ACTR2: variants seen among roughly 807,000 people sequenced by gnomAD.
ACTR2 encodes actin related protein 2.
ACTR2 carries 5 observed loss-of-function variants against 50.2 expected under a neutral mutation model. That is an observed-to-expected ratio of 0.10 (90% CI 0.05 to 0.21). The LOEUF (loss-of-function observed/expected upper bound fraction) is 0.21, where lower values mean the gene tolerates loss of function less well. Among genes scored for constraint, ACTR2 ranks in the 10% least tolerant of loss-of-function variants. The probability of loss-of-function intolerance (pLI) is 1.00; values close to 1 mark genes in which losing one functional copy is unlikely to be tolerated. For synonymous variants in ACTR2, 140 were observed against 162.9 expected, an observed-to-expected ratio of 0.86 and a Z score of 1.07; for missense variants, 180 against 480.6, an observed-to-expected ratio of 0.37 and a Z score of 5.85.
At chr2:65,236,295 C>T (rs1236663310) in intron 1 of ACTR2, among the ~76,000 whole-genome samples, 1 of 149,486 alleles carries the variant, frequency 6.7e-6, no homozygotes, top group Non-Finnish European at 1.5e-5. Context: ...GCGATGACGT[C>T]ACTGCACTCC....
chr2:65,236,932 A>G (rs921909667), intron 1 of ACTR2, among the ~76,000 whole-genome samples: 1 of 152,102 alleles, frequency 6.6e-6, no homozygotes, highest in Non-Finnish European at 1.5e-5. Context: ...TTCATCCTTA[A>G]TTCTAAGAAT....
At chr2:65,236,083 G>A (rs754099729) in intron 1 of ACTR2, among the ~76,000 whole-genome samples, 108 of 152,028 alleles carry the variant, frequency 7.1e-4, no homozygotes, top group Non-Finnish European at 1.3e-3. Context: ...GGCCGGGTGC[G>A]GTGGCTTATG....
chr2:65,263,262 T>G (rs1672309002), intron 7 of ACTR2, among the ~76,000 whole-genome samples: 1 of 112,140 alleles, frequency 8.9e-6, no homozygotes, highest in Non-Finnish European at 2.0e-5. Context: ...TTTGGAGTTT[T>G]GGGTTTTTTT....
At chr2:65,244,146 T>C (rs895867447) in intron 2 of ACTR2, among the ~76,000 whole-genome samples, 4 of 152,162 alleles carry the variant, frequency 2.6e-5, no homozygotes, top group Non-Finnish European at 4.4e-5. Context: ...AGTAGATACA[T>C]GAGGCATTTA....
chr2:65,242,167 C>T, intron 2 of ACTR2: 1 of 792,868 alleles, frequency 1.3e-6, no homozygotes, highest in Non-Finnish European at 2.1e-6. Flanking sequence ...GGGGTTATTT[C>T]CATATTTTTA....
intron 6 of ACTR2, among the ~76,000 whole-genome samples, chr2:65,257,893 G>T (rs1672182096): frequency 2.0e-5 from 3 of 152,156 alleles, no homozygotes; most frequent in Admixed American, 2.0e-4. Context: ...TCTGTAGGTT[G>T]CCTGTTCACT....
chr2:65,242,185 T>C (rs1304896728), intron 2 of ACTR2: 2 of 709,760 alleles, frequency 2.8e-6, no homozygotes, highest in Non-Finnish European at 5.0e-6. Flanking sequence ...TTATTTTAAG[T>C]ACTTTGATTT....
At chr2:65,247,518 G>T (rs183664089) in intron 3 of ACTR2, among the ~76,000 whole-genome samples, 3 of 152,164 alleles carry the variant, frequency 2.0e-5, no homozygotes, top group African/African-American at 4.8e-5. Flanking sequence ...AACCCTTGAG[G>T]CAGAGCTTGC....
chr2:65,258,726 G>A (rs1162274676), intron 6 of ACTR2, among the ~76,000 whole-genome samples: 3 of 152,150 alleles, frequency 2.0e-5, no homozygotes, highest in African/African-American at 7.2e-5. Flanking sequence ...AAGATTTGGT[G>A]CAAAGAAATG....
intron 3 of ACTR2, among the ~76,000 whole-genome samples, chr2:65,250,375 A>T (rs1028094082): frequency 2.0e-5 from 3 of 149,532 alleles, no homozygotes; most frequent in African/African-American, 7.4e-5. Flanking sequence ...AAAAAAGAAA[A>T]AAAAAAGATA....
At chr2:65,242,114 G>A (rs1423813754) in intron 2 of ACTR2, 4 of 1,369,312 alleles carry the variant, frequency 2.9e-6, no homozygotes, top group East Asian at 4.6e-5. Flanking sequence ...TTGCTTGATG[G>A]GACAGTAGTT....
intron 1 of ACTR2, among the ~76,000 whole-genome samples, chr2:65,235,863 G>A (rs1192346118): frequency 4.6e-5 from 7 of 152,132 alleles, no homozygotes; most frequent in Admixed American, 4.6e-4. Flanking sequence ...ACTAAGACTA[G>A]GTTTGTGGGC....
At chr2:65,263,664 C>T (rs1300983670) in intron 7 of ACTR2, among the ~76,000 whole-genome samples, 2 of 152,212 alleles carry the variant, frequency 1.3e-5, no homozygotes, top group Non-Finnish European at 2.9e-5. Flanking sequence ...ATCTAGCCTT[C>T]ATAATTATGG....
In ACTR2 at chr2:65,227,885, G is replaced by A. The variant is rs766889009; in HGVS notation, c.-25G>A. 3 of 1,504,410 alleles carry A rather than the reference G, an allele frequency of 2.0e-6. 1 individual carries two copies. The South Asian group carries it at 3.7e-5, about 19-fold the overall frequency. 93.2% of individuals were successfully genotyped at this position (1,504,410 alleles called of 1,614,324 possible). ...GGCGGTGGCTGTAGGTTGTGCGGCT[G>A]CAGCGGCTCTTCCCTGGGCGGACGA... On this transcript the variant is annotated 5_prime_UTR_variant, in exon 1 of 9. Transcript: ENST00000260641.
At chr2:65,258,457 A>C (rs1276398966) in intron 6 of ACTR2, among the ~76,000 whole-genome samples, 7 of 152,106 alleles carry the variant, frequency 4.6e-5, no homozygotes, top group African/African-American at 1.7e-4. Context: ...ACGTGCCTGT[A>C]GTCCTAGCTA....
intron 2 of ACTR2, among the ~76,000 whole-genome samples, chr2:65,244,033 T>C (rs921005259): frequency 2.6e-5 from 4 of 152,168 alleles, no homozygotes; most frequent in African/African-American, 9.7e-5. Flanking sequence ...CTTAAATAAG[T>C]TAATACTCCA....
At chr2:65,232,025 G>C (rs192441955) in intron 1 of ACTR2, among the ~76,000 whole-genome samples, 1 of 152,344 alleles carries the variant, frequency 6.6e-6, no homozygotes, top group East Asian at 1.9e-4. Flanking sequence ...AGCTTGACCA[G>C]TGTCTCAGTA....
At chr2:65,258,604 T>G (rs1672198337) in intron 6 of ACTR2, among the ~76,000 whole-genome samples, 1 of 151,860 alleles carries the variant, frequency 6.6e-6, no homozygotes, top group African/African-American at 2.4e-5. Flanking sequence ...CAAAACAAAA[T>G]CCATATATAT....
At chr2:65,248,553 C>T (rs1671985523) in intron 3 of ACTR2, among the ~76,000 whole-genome samples, 2 of 151,934 alleles carry the variant, frequency 1.3e-5, no homozygotes, top group Admixed American at 6.6e-5. Flanking sequence ...GTCATTTAAG[C>T]AAAAGATAAT....
Sources: allele counts gnomAD v4.1 joint callset (sites outside exome capture counted in the v4.1 genomes callset), GRCh38; gene constraint gnomAD v4.1.1; transcripts MANE v1.5; gene names NCBI Gene and HGNC (gene_info 2026-07-23, HGNC 2026-07-21).